VWF: variants seen among roughly 807,000 people sequenced by gnomAD.
VWF encodes Factor VIII related antigen.
VWF carries 176 observed loss-of-function variants against 308.6 expected under a neutral mutation model. The ratio of observed to expected loss-of-function variants is 0.57; its 90% CI spans 0.50 to 0.65. VWF has a LOEUF of 0.65. VWF is among the 30% of genes least tolerant of loss of function. The pLI is 0.00. For synonymous variants in VWF, 1,385 were observed against 1,443.4 expected (o/e 0.96, Z 0.92); for missense variants, 3,146 against 3,648.2 (o/e 0.86, Z 3.55).
intron 2 of VWF, among the ~76,000 whole-genome samples, chr12:6,122,153 G>A (rs999296206): frequency 1.3e-5 from 2 of 152,134 alleles, no homozygotes; most frequent in Non-Finnish European, 2.9e-5. Flanking sequence ...AATTTGTCGT[G>A]CTAGTGTATA....
rs1451158868 is a variant in VWF, at chr12:6,065,319, T to C, written c.1157-46A>G. 1.9e-6 allele frequency: 3 copies of C among 1,611,552 alleles called. No individual in the cohort carries two copies. The East Asian group carries it at 6.7e-5, about 36-fold the overall frequency. On this transcript the variant is annotated intron_variant, in intron 10 of 51. Coordinates refer to ENST00000261405, the MANE Select transcript of VWF (RefSeq NM_000552.5). Reference sequence around the variant, plus strand: ...GGAGAAGAATGGGAGGTGAGGGCACTTCCCCTGGGGTGGCCAAGGTGGAAT... The same window carrying C: ...GGAGAAGAATGGGAGGTGAGGGCACCTCCCCTGGGGTGGCCAAGGTGGAAT...
At chr12:6,103,275 C>CT in intron 5 of VWF, among the ~76,000 whole-genome samples, 3 of 151,844 alleles carry the variant, frequency 2.0e-5, no homozygotes, top group African/African-American at 7.3e-5. Context: ...TTGCAGTGAG[C>CT]CAATCCACGC....
At chr12:5,988,259 A>G (rs1268767792) in intron 38 of VWF, among the ~76,000 whole-genome samples, 1 of 152,210 alleles carries the variant, frequency 6.6e-6, no homozygotes, top group Non-Finnish European at 1.5e-5. Flanking sequence ...GAGAAGAGCT[A>G]AATAAAGACA....
Position 6,063,761 on chromosome 12 carries a change from G to A in VWF, c.1432+485C>T, listed in dbSNP as rs1445009275. ...CTTTGACCGGCACAGTGCAACCCAG[G>A]TGAAGATACTGGACAGGTAGGTTTT... is the stretch of plus-strand genomic sequence containing the variant. On this transcript the variant is annotated intron_variant, in intron 12 of 51. Transcript: ENST00000261405. This position sits in a 1 kb window ranked among gnomAD's most constrained non-coding sequence, Gnocchi z 4.9. Among the ~76,000 whole-genome samples the A allele has an allele frequency of 1.3e-5, 2 of 152,184 alleles. No homozygotes were observed. The highest frequency in any genetic ancestry group is 4.8e-5 in the African/African-American group (2 of 41,436).
At chr12:6,028,687 A>T (rs890818224) in intron 22 of VWF, among the ~76,000 whole-genome samples, 8 of 152,188 alleles carry the variant, frequency 5.3e-5, no homozygotes, top group African/African-American at 1.9e-4. Flanking sequence ...GAGAAATAAA[A>T]TCCTTTACAG....
At chr12:6,103,431 C>CAT (rs1565391026) in intron 5 of VWF, among the ~76,000 whole-genome samples, 1 of 111,652 alleles carries the variant, frequency 9.0e-6, no homozygotes, top group African/African-American at 4.3e-5. Context: ...TGTATACACA[C>CAT]GTGTGTATAT....
At position 6,097,494 on chromosome 12, in the gene VWF, G is replaced by A. The variant is rs143045343; in HGVS notation, c.533-1910C>T. Among the ~76,000 whole-genome samples, 31 of 152,064 alleles carry A rather than the reference G, an allele frequency of 2.0e-4. No individual in the cohort carries two copies. The East Asian group carries it at 5.4e-3, about 27-fold the overall frequency. ...AAAAAAGACATGGGCAGAGGGAGAC[G>A]GGCAAAGACACACACACAGGAGAAA... On this transcript the variant is annotated intron_variant, in intron 5 of 51. Transcript: ENST00000261405.
intron 16 of VWF, among the ~76,000 whole-genome samples, chr12:6,051,293 T>TCC (rs1944507803): frequency 5.6e-4 from 16 of 28,788 alleles, no homozygotes; most frequent in African/African-American, 8.8e-4. Context: ...TTTCTTTTTT[T>TCC]TTTTTTTTTT....
intron 16 of VWF, among the ~76,000 whole-genome samples, chr12:6,047,195 G>A (rs1161037152): frequency 6.6e-6 from 1 of 151,966 alleles, no homozygotes; most frequent in African/African-American, 2.4e-5. Context: ...TCTGTCCTAG[G>A]CTCGCTCCTC....
At chr12:6,064,863 G>A (rs1443157718) in intron 11 of VWF, among the ~76,000 whole-genome samples, 2 of 152,156 alleles carry the variant, frequency 1.3e-5, no homozygotes, top group East Asian at 1.9e-4. Flanking sequence ...GGGGCAACAG[G>A]CTAGACCCAA....
intron 34 of VWF, among the ~76,000 whole-genome samples, chr12:6,005,073 G>A (rs550873385): frequency 7.4e-4 from 113 of 152,204 alleles, no homozygotes; most frequent in African/African-American, 2.6e-3. Flanking sequence ...TGACACTAAA[G>A]TCTATACAGA....
intron 40 of VWF, among the ~76,000 whole-genome samples, chr12:5,983,806 T>TAGATAGATAGATAGAC (rs2136373715): frequency 6.6e-6 from 1 of 151,444 alleles, no homozygotes; most frequent in East Asian, 2.0e-4. Context: ...GATAGATAGA[T>TAGATAGATAGATAGAC]AGATAGATAG....
At chr12:6,026,434 T>C (rs1057377019) in intron 22 of VWF, among the ~76,000 whole-genome samples, 11 of 152,114 alleles carry the variant, frequency 7.2e-5, no homozygotes, top group Non-Finnish European at 1.3e-4. Flanking sequence ...AATGGAGGTG[T>C]AGGGGTCCAA....
At chr12:6,115,259 G>A (rs1421867672) in intron 3 of VWF, among the ~76,000 whole-genome samples, 3 of 152,092 alleles carry the variant, frequency 2.0e-5, no homozygotes, top group Non-Finnish European at 2.9e-5. Flanking sequence ...GGCTGGCATC[G>A]AACTCCTGGG....
In VWF at chr12:5,949,811, A is replaced by G. The variant is rs776969304; in HGVS notation, c.8228T>C (p.Val2743Ala). The part of the protein sequence containing the change: ...YVKVGSCKSE[V>A]EVDIHYCQGK... ...CTGGCAGTAGTGGATATCCACCTCT[A>G]CTTCAGACTTACAGCTTCCCACCTT... is the stretch of plus-strand genomic sequence containing the variant. Residue 2743 changes from valine (V) to alanine (A), a missense_variant, in exon 51 of 52, where the codon GTA becomes GCA. Transcript: ENST00000261405. The G allele has an allele frequency of 1.9e-6, 3 of 1,614,108 alleles. No individual in the cohort carries two copies. Among genetic ancestry groups the G allele is most frequent in the Admixed American group, 1.7e-5 (1 of 60,016 alleles).
intron 32 of VWF, 82 bp downstream of exon 32, chr12:6,013,399 T>C: frequency 6.4e-7 from 1 of 1,570,576 alleles, no homozygotes; most frequent in South Asian, 1.1e-5. Flanking sequence ...CTGGGGTCTC[T>C]TGAATACTAT....
intron 3 of VWF, among the ~76,000 whole-genome samples, chr12:6,116,124 G>A (rs186114906): frequency 2.6e-5 from 4 of 152,190 alleles, no homozygotes; most frequent in African/African-American, 7.2e-5. Flanking sequence ...AGAAATCGCC[G>A]GTGAGCCCAG....
At chr12:6,038,711 G>C (rs183383555) in intron 18 of VWF, among the ~76,000 whole-genome samples, 2 of 152,362 alleles carry the variant, frequency 1.3e-5, no homozygotes, top group East Asian at 3.9e-4. Context: ...AGCAAGAGGA[G>C]GTTATTAATT....
intron 34 of VWF, 92 bp from the exon 35 acceptor site, chr12:5,996,314 A>G (rs1266847725): frequency 9.7e-6 from 11 of 1,139,750 alleles, no homozygotes; most frequent in Non-Finnish European, 1.2e-5. Context: ...AGTTGCACAC[A>G]GATAAATACA....
Sources: gnomAD v4.1 joint callset for allele counts (sites outside exome capture counted in the v4.1 genomes callset) on GRCh38, gnomAD v4.1.1 for gene constraint, Gnocchi (gnomAD v3.1) non-coding constraint, MANE v1.5 for transcripts, NCBI Gene and HGNC (gene_info 2026-07-23, HGNC 2026-07-21) for gene names.